Variants in EYA1 observed in about 807,000 individuals in gnomAD.
The protein encoded by EYA1 is EYA transcriptional coactivator and phosphatase 1, also known as protein phosphatase EYA1.
A neutral mutation model predicts 82.0 loss-of-function variants in EYA1; 16 were observed. That is an observed-to-expected ratio of 0.20 (90% CI 0.13 to 0.30). The LOEUF is 0.30. EYA1 is among the 10% of genes least tolerant of loss of function. The pLI is 1.00. For missense variants in EYA1, 633 were observed against 730.7 expected (o/e 0.87, Z 1.54); for synonymous variants, 261 against 264.4 (o/e 0.99, Z 0.12).
intron 2 of EYA1, among the ~76,000 whole-genome samples, chr8:71,513,509 A>G (rs911894411): frequency 6.6e-6 from 1 of 152,128 alleles, no homozygotes; most frequent in Non-Finnish European, 1.5e-5. Flanking sequence ...TATTAGGTAC[A>G]TGATGTGTTT....
intron 9 of EYA1, among the ~76,000 whole-genome samples, chr8:71,272,188 G>A (rs1322331428): frequency 2.0e-5 from 3 of 152,214 alleles, no homozygotes; most frequent in South Asian, 2.1e-4. Context: ...ATTAGAGAAC[G>A]CTCCCCATGC....
chr8:71,447,113 GA>G (rs1341788965), intron 2 of EYA1, among the ~76,000 whole-genome samples: 2 of 149,784 alleles, frequency 1.3e-5, no homozygotes, highest in African/African-American at 4.9e-5. Context: ...TAAAATTAGT[GA>G]TGGGCCCAAC....
intron 2 of EYA1, among the ~76,000 whole-genome samples, chr8:71,368,066 T>C (rs1204842982): frequency 6.6e-6 from 1 of 152,214 alleles, no homozygotes; most frequent in Non-Finnish European, 1.5e-5. Flanking sequence ...CTGAAAAGTA[T>C]CCTCTGCCTC....
chr8:71,231,249 A>G (rs1457176582), intron 12 of EYA1, among the ~76,000 whole-genome samples: 1 of 152,210 alleles, frequency 6.6e-6, no homozygotes, highest in Non-Finnish European at 1.5e-5. Context: ...ACTTTACAAT[A>G]CAACTCATCT....
At chr8:71,356,717 C>A in intron 1 of EYA1, 1 of 1,241,300 alleles carries the variant, frequency 8.1e-7, no homozygotes. Context: ...CTCCTCCTCC[C>A]CTTGTCAGGG....
chr8:71,364,624 T>C (rs1827632247), upstream of EYA1, among the ~76,000 whole-genome samples: 1 of 152,086 alleles, frequency 6.6e-6, no homozygotes, highest in Non-Finnish European at 1.5e-5. Flanking sequence ...TGCTATTTCA[T>C]ATTTGCCATG....
At chr8:71,468,474 C>T (rs957734863) in intron 2 of EYA1, among the ~76,000 whole-genome samples, 1 of 152,090 alleles carries the variant, frequency 6.6e-6, no homozygotes, top group Non-Finnish European at 1.5e-5. Flanking sequence ...ATAGAATTTC[C>T]AGCAGGTAAC....
chr8:71,451,159 T>C (rs953973915), intron 2 of EYA1, among the ~76,000 whole-genome samples: 5 of 152,224 alleles, frequency 3.3e-5, no homozygotes, highest in African/African-American at 1.2e-4. Context: ...TGGAAAATGA[T>C]TTGGCACTAT....
intron 2 of EYA1, among the ~76,000 whole-genome samples, chr8:71,489,180 C>T (rs909846558): frequency 4.6e-5 from 7 of 152,148 alleles, no homozygotes; most frequent in African/African-American, 1.4e-4. Flanking sequence ...GAAAAACACA[C>T]ATCGATTGGT....
chr8:71,364,555 C>T (rs1025566150), upstream of EYA1, among the ~76,000 whole-genome samples: 2 of 151,904 alleles, frequency 1.3e-5, no homozygotes, highest in East Asian at 3.9e-4. Context: ...CATATAACTA[C>T]AAAATTTAGG....
At chr8:71,309,233 A>G (rs760164539) in intron 7 of EYA1, among the ~76,000 whole-genome samples, 3 of 152,190 alleles carry the variant, frequency 2.0e-5, no homozygotes, top group Non-Finnish European at 4.4e-5. Flanking sequence ...GAAGAAAACA[A>G]TGTTGGTATG....
chr8:71,473,898 A>G (rs1213444116), intron 2 of EYA1, among the ~76,000 whole-genome samples: 1 of 152,156 alleles, frequency 6.6e-6, no homozygotes, highest in African/African-American at 2.4e-5. Context: ...TGGCCTTTGC[A>G]GGGACTTGGA....
chr8:71,306,477 A>C (rs886694967), intron 7 of EYA1, among the ~76,000 whole-genome samples: 4 of 152,110 alleles, frequency 2.6e-5, no homozygotes, highest in African/African-American at 9.7e-5. Flanking sequence ...GAACCCTTAC[A>C]AATGCAAGGA....
intron 2 of EYA1, among the ~76,000 whole-genome samples, chr8:71,388,903 T>C (rs972836199): frequency 6.6e-6 from 1 of 152,106 alleles, no homozygotes; most frequent in African/African-American, 2.4e-5. Context: ...AGCATCCAGC[T>C]AGTTCCAGGA....
intron 7 of EYA1, among the ~76,000 whole-genome samples, chr8:71,310,312 T>G (rs1416921553): frequency 2.0e-5 from 3 of 152,208 alleles, no homozygotes; most frequent in Non-Finnish European, 4.4e-5. Flanking sequence ...AGGTTTGTTA[T>G]GTAAACTTGT....
chr8:71,544,777 G>A (rs1053140737), intron 1 of EYA1, among the ~76,000 whole-genome samples: 1 of 152,084 alleles, frequency 6.6e-6, no homozygotes, highest in Non-Finnish European at 1.5e-5. Flanking sequence ...CTGAGCTTAG[G>A]GATATTCAAA....
At chr8:71,209,000 C>G (rs1260779535) in intron 17 of EYA1, among the ~76,000 whole-genome samples, 1 of 152,204 alleles carries the variant, frequency 6.6e-6, no homozygotes, top group East Asian at 1.9e-4. Context: ...CTACCACAAG[C>G]TAGAAAGCCA....
rs539103209 is a variant in EYA1 at position 71,324,147 on chromosome 8, TC to T, written c.203-1880del. 1.9e-3 allele frequency among the ~76,000 whole-genome samples: 293 copies of T among 152,332 alleles called. 2 individuals are homozygous for T. Among genetic ancestry groups the T allele is most frequent in the African/African-American group, 6.7e-3 (278 of 41,574 alleles). ...CATGGCTCATGAAAAGTTCATAAAC[TC>T]AATAGGTTGTACCCAACAATTTTTT... On this transcript the variant is annotated intron_variant, in intron 4 of 17. Transcript: ENST00000340726.
At chr8:71,462,623 C>T (rs1808449675) in intron 2 of EYA1, among the ~76,000 whole-genome samples, 1 of 152,196 alleles carries the variant, frequency 6.6e-6, no homozygotes, top group Non-Finnish European at 1.5e-5. Context: ...TTGTCCCTGG[C>T]TCCCACTGGC....
Sources: gnomAD v4.1 joint callset for allele counts (sites outside exome capture counted in the v4.1 genomes callset) on GRCh38, gnomAD v4.1.1 for gene constraint, MANE v1.5 for transcripts, NCBI Gene and HGNC (gene_info 2026-07-23, HGNC 2026-07-21) for gene names.